Variants in CD160 observed in about 807,000 individuals in gnomAD.
CD160 encodes CD160 molecule, also known as CD160 antigen.
A neutral mutation model predicts 19.2 loss-of-function variants in CD160; 11 were observed. The ratio of observed to expected loss-of-function variants is 0.57; its 90% confidence interval spans 0.36 to 0.95. The LOEUF is 0.95. CD160 is among the 40% of genes least tolerant of loss of function. CD160 has a pLI of 0.01. For synonymous variants in CD160, 75 were observed against 81.1 expected, an observed-to-expected ratio of 0.93 and a Z score of 0.40; for missense variants, 182 against 213.2, an observed-to-expected ratio of 0.85 and a Z score of 0.91.
chr1:145,724,543 T>G (rs1242914974), intron 1 of CD160, among the ~76,000 whole-genome samples: 1 of 152,208 alleles, frequency 6.6e-6, no homozygotes, highest in Non-Finnish European at 1.5e-5. Flanking sequence ...CTCCATTATA[T>G]TGAATAGTAT....
intron 1 of CD160, among the ~76,000 whole-genome samples, chr1:145,723,042 T>TA (rs1571671483): frequency 6.6e-6 from 1 of 152,186 alleles, no homozygotes; most frequent in Non-Finnish European, 1.5e-5. Context: ...TTTATTCATT[T>TA]ATCCTCTTTG....
rs1657138319 is a variant in CD160, at chr1:145,728,368, T to A, written c.41T>A (p.Ile14Asn). ...EPGRGCCALAILLAIVDIQSG... is the reference protein window; with the variant it reads ...EPGRGCCALANLLAIVDIQSG... Reference sequence around the variant, plus strand: ...GGCAGAGGCTGCTGTGCCCTGGCCATCCTGCTGGCAATTGTGGACATCCAG... The same window carrying A: ...GGCAGAGGCTGCTGTGCCCTGGCCAACCTGCTGGCAATTGTGGACATCCAG... Residue 14 changes from isoleucine to asparagine, a missense_variant, in exon 3 of 6, where the codon ATC becomes AAC. Transcript: ENST00000369288. 1 of 1,613,366 alleles carries A rather than the reference T, an allele frequency of 6.2e-7. No homozygotes were observed. The highest frequency in any genetic ancestry group is 1.3e-5 in the African/African-American group (1 of 74,862).
rs782139756 is a variant in CD160 at position 145,735,996 on chromosome 1, G to A, written c.401-1G>A. 6.2e-7 allele frequency: 1 copy of A among 1,604,194 alleles called. No homozygotes were observed. Among genetic ancestry groups the A allele is most frequent in the South Asian group, 1.1e-5 (1 of 90,504 alleles). ...TGATCCATGATTCTCTTTTGAACCAGAGACAGGGAACTACACAGTGACGGG... is the reference window on the plus strand; with the variant it reads ...TGATCCATGATTCTCTTTTGAACCAAAGACAGGGAACTACACAGTGACGGG... On this transcript the variant is annotated splice_acceptor_variant, in intron 4 of 5. Coordinates refer to ENST00000369288, the MANE Select transcript of CD160 (RefSeq NM_007053.4). LOFTEE classifies it high-confidence loss of function.
At chr1:145,720,269 C>A (rs1468202552) in intron 1 of CD160, among the ~76,000 whole-genome samples, 1 of 152,202 alleles carries the variant, frequency 6.6e-6, no homozygotes, top group Non-Finnish European at 1.5e-5. Context: ...AATGTTTTGA[C>A]AACTGTCTTG....
chr1:145,723,548 A>G (rs1553708060), intron 1 of CD160, among the ~76,000 whole-genome samples: 3 of 152,200 alleles, frequency 2.0e-5, no homozygotes. Flanking sequence ...AATTTATTCA[A>G]CCATTCTCAC....
intron 1 of CD160, among the ~76,000 whole-genome samples, chr1:145,722,283 C>T (rs1656881305): frequency 6.6e-6 from 1 of 152,140 alleles, no homozygotes; most frequent in Non-Finnish European, 1.5e-5. Flanking sequence ...ACCCTCACAA[C>T]CCAAGGAAGA....
chr1:145,734,452 A>T (rs1387450826), intron 4 of CD160, among the ~76,000 whole-genome samples: 8 of 152,232 alleles, frequency 5.3e-5, no homozygotes, highest in Admixed American at 5.2e-4. Flanking sequence ...AGTCTAAATT[A>T]CATTAGCCTG....
At chr1:145,733,425 C>A (rs140430123) in intron 4 of CD160, among the ~76,000 whole-genome samples, 64 of 152,280 alleles carry the variant, frequency 4.2e-4, no homozygotes, top group African/African-American at 1.3e-3. Context: ...CAGGTGTGAG[C>A]CACCGTGCCT....
chr1:145,738,454 A>G (rs1657584455), intron 5 of CD160, 32 bp from the exon 6 acceptor site: 2 of 1,313,934 alleles, frequency 1.5e-6, no homozygotes, highest in Non-Finnish European at 2.0e-6. Flanking sequence ...ATTCTAAGTT[A>G]TAAGGCAGTA....
At chr1:145,736,406 T>C (rs1331541538) in intron 5 of CD160, 3 of 700,230 alleles carry the variant, frequency 4.3e-6, no homozygotes, top group Non-Finnish European at 6.8e-6. Context: ...TTAGTACAAC[T>C]ACCTCTACTC....
chr1:145,736,785 CTATA>C (rs1553710258), intron 5 of CD160: 1 of 156,058 alleles, frequency 6.4e-6, no homozygotes, highest in African/African-American at 2.4e-5. Flanking sequence ...AATGTAAGCT[CTATA>C]TATATGTAAG....
At chr1:145,729,369 G>T (rs1553708826) in intron 3 of CD160, among the ~76,000 whole-genome samples, 1 of 152,216 alleles carries the variant, frequency 6.6e-6, no homozygotes, top group African/African-American at 2.4e-5. Flanking sequence ...AAGCTGCCAA[G>T]GGAGTGGGGG....
At chr1:145,731,725 A>G (rs781852816) in intron 4 of CD160, among the ~76,000 whole-genome samples, 7 of 152,164 alleles carry the variant, frequency 4.6e-5, no homozygotes, top group African/African-American at 7.2e-5. Context: ...CTGATTCCCA[A>G]TTCAGAACTC....
At position 145,719,525 on chromosome 1, in the gene CD160, G is replaced by A. The variant is rs1656742746; in HGVS notation, c.-213G>A. On this transcript the variant is annotated 5_prime_UTR_variant, in exon 1 of 6. Coordinates refer to ENST00000369288, the MANE Select transcript of CD160 (RefSeq NM_007053.4). ...AGAGCCATTTCAACGTGAGCCCCCA[G>A]TCTGAGAACAAGAAAGAAGAACTTC... 6.6e-6 allele frequency: 1 copy of A among 152,552 alleles called. No individual in the cohort carries two copies. The highest frequency in any genetic ancestry group is 2.4e-5 in the African/African-American group (1 of 41,502). 9.4% of individuals were successfully genotyped at this position (152,552 alleles called of 1,614,324 possible).
chr1:145,721,063 C>A (rs1185484757), intron 1 of CD160, among the ~76,000 whole-genome samples: 6 of 152,228 alleles, frequency 3.9e-5, no homozygotes, highest in Non-Finnish European at 7.3e-5. Context: ...AGAGGGGAGA[C>A]CCGCCCCTGG....
chr1:145,729,517 A>AT (rs3835484), intron 3 of CD160, among the ~76,000 whole-genome samples: 83,673 of 151,904 alleles, frequency 0.55, 24,482 homozygotes, highest in African/African-American at 0.74. Flanking sequence ...GGGAGAGATT[A>AT]TAATAATGGA....
At chr1:145,721,398 C>G (rs1656842680) in intron 1 of CD160, among the ~76,000 whole-genome samples, 1 of 152,158 alleles carries the variant, frequency 6.6e-6, no homozygotes, top group Non-Finnish European at 1.5e-5. Flanking sequence ...CAACAGGGTG[C>G]TCCCCTCCCG....
chr1:145,728,244 C>A lies in CD160; in HGVS notation c.-72-12C>A. ...GGAAGGCTTTGTCTAGTGGGTCCCC[C>A]TGTGCTTTTAGGAGACTGAAGCCAA... is the stretch of plus-strand genomic sequence containing the variant. On this transcript the variant is annotated splice_polypyrimidine_tract_variant and intron_variant, in intron 2 of 5. Coordinates refer to ENST00000369288, the MANE Select transcript of CD160 (RefSeq NM_007053.4). 1.0e-6 allele frequency: 1 copy of A among 970,350 alleles called. No homozygotes were observed. The highest frequency in any genetic ancestry group is 1.6e-6 in the Non-Finnish European group (1 of 611,430). The allele number at this position is 970,350 out of a possible 1,614,324, so 60.1% of individuals were successfully genotyped here.
chr1:145,722,688 C>T (rs1289680087), intron 1 of CD160, among the ~76,000 whole-genome samples: 10 of 152,094 alleles, frequency 6.6e-5, no homozygotes, highest in African/African-American at 1.4e-4. Flanking sequence ...GCCTCTCGGG[C>T]TCACGCCATT....
Sources: gnomAD v4.1 joint callset for allele counts (sites outside exome capture counted in the v4.1 genomes callset) on GRCh38, gnomAD v4.1.1 for gene constraint, MANE v1.5 for transcripts, NCBI Gene and HGNC (gene_info 2026-07-23, HGNC 2026-07-21) for gene names.